Variants in GYPB observed in about 807,000 individuals in gnomAD.
GYPB encodes the protein glycophorin B (MNS blood group).
GYPB carries 13 observed loss-of-function variants against 15.3 expected under a neutral mutation model. That is an observed-to-expected ratio of 0.85 (90% CI 0.55 to 1.35). The LOEUF is 1.35. GYPB is among the 40% of genes most tolerant of loss of function. The pLI is 0.00. For synonymous variants in GYPB, 38 were observed against 36.9 expected (o/e 1.03, Z -0.11); for missense variants, 131 against 108.3 (o/e 1.21, Z -0.93).
In GYPB at chr4:144,017,489, C is replaced by T. The variant is rs193289931; in HGVS notation, c.37+1762G>A. Among the ~76,000 whole-genome samples, 196 of 151,228 alleles carry T rather than the reference C, an allele frequency of 1.3e-3. 12 individuals are homozygous for T. Among genetic ancestry groups the T allele is most frequent in the African/African-American group, 4.7e-3 (192 of 40,646 alleles). ...GAGTTTCCTTGGAGGGTTTCTGCTA[C>T]GAAGATGATAACAGCTTGGGTACTG... On this transcript the variant is annotated intron_variant, in intron 1 of 4. Coordinates refer to ENST00000502664, the MANE Select transcript of GYPB (RefSeq NM_002100.6).
At chr4:144,018,071 T>C (rs1728597634) in intron 1 of GYPB, among the ~76,000 whole-genome samples, 1 of 151,408 alleles carries the variant, frequency 6.6e-6, no homozygotes, top group Admixed American at 6.6e-5. Flanking sequence ...ATCATGATAG[T>C]TAATTCTAAT....
chr4:144,006,610 A>ACTG (rs1727926509), intron 1 of GYPB, among the ~76,000 whole-genome samples: 1 of 152,008 alleles, frequency 6.6e-6, no homozygotes. Flanking sequence ...GCTCTCATCA[A>ACTG]GATGTGATAA....
chr4:144,014,927 T>C (rs548387955), intron 1 of GYPB, among the ~76,000 whole-genome samples: 8 of 151,594 alleles, frequency 5.3e-5, no homozygotes, highest in African/African-American at 1.7e-4. Context: ...TATATAAATC[T>C]AGGGATGGAA....
chr4:144,008,693 T>C (rs978315120), intron 1 of GYPB, among the ~76,000 whole-genome samples: 1 of 151,550 alleles, frequency 6.6e-6, no homozygotes, highest in Non-Finnish European at 1.5e-5. Flanking sequence ...TTGGGCTGGA[T>C]GAAAATAATT....
intron 1 of GYPB, among the ~76,000 whole-genome samples, chr4:144,013,959 C>A (rs1184899511): frequency 1.3e-5 from 2 of 151,378 alleles, no homozygotes; most frequent in African/African-American, 4.9e-5. Flanking sequence ...CAACATTTCT[C>A]CAAAGATATG....
At chr4:144,010,792 A>G (rs1728177387) in intron 1 of GYPB, among the ~76,000 whole-genome samples, 1 of 151,410 alleles carries the variant, frequency 6.6e-6, no homozygotes, top group Admixed American at 6.6e-5. Context: ...AGAAAGTCTA[A>G]GACTTTCTAT....
chr4:144,002,159 A>G (rs976797116), intron 1 of GYPB, among the ~76,000 whole-genome samples: 1 of 151,268 alleles, frequency 6.6e-6, no homozygotes, highest in Non-Finnish European at 1.5e-5. Flanking sequence ...TAAATTGCAA[A>G]AGTAATATAG....
chr4:143,998,148 A>T (rs1466039577), intron 3 of GYPB, among the ~76,000 whole-genome samples: 3 of 151,410 alleles, frequency 2.0e-5, no homozygotes, highest in Non-Finnish European at 4.4e-5. Flanking sequence ...AACTAGTTAA[A>T]AGTAGAATTA....
Position 144,008,265 on chromosome 4 carries a change from G to A in GYPB, c.38-6982C>T, listed in dbSNP as rs1182652072. 7.4e-6 allele frequency: 3 copies of A among 406,320 alleles called. 1 individual carries two copies. Among genetic ancestry groups the A allele is most frequent in the African/African-American group, 6.3e-5 (3 of 47,696 alleles). 25.2% of individuals were successfully genotyped at this position (406,320 alleles called of 1,614,324 possible). A position where few individuals can be genotyped will look rare whatever the true frequency, so the allele number is the denominator to read the frequency against. On this transcript the variant is annotated intron_variant, in intron 1 of 4. Transcript: ENST00000502664. ...GTGATCTATGTAGCAGAAAGAGAAT[G>A]AGGGAATCAAGTAAGTTGTCATTGA...
chr4:144,000,433 T>G, intron 2 of GYPB: 1 of 1,174,960 alleles, frequency 8.5e-7, no homozygotes, highest in East Asian at 6.2e-5. Context: ...TTCTGAAACT[T>G]CATTAGCAGT....
rs760020012 is a variant in GYPB, at chr4:144,002,613, C to A, written c.38-1330G>T. The A allele has an allele frequency of 7.0e-6, 9 of 1,287,266 alleles. No individual in the cohort carries two copies. In the Middle Eastern group the frequency reaches 1.7e-3, roughly 244 times the overall value. The allele number at this position is 1,287,266 out of a possible 1,614,324, so 79.7% of individuals were successfully genotyped here. Reference sequence around the variant, plus strand: ...AGACATTCAAATGAGGGGAATGGCACCCAAGTGCAGTGGAGTGGAGGTGGA... The same window carrying A: ...AGACATTCAAATGAGGGGAATGGCAACCAAGTGCAGTGGAGTGGAGGTGGA... On this transcript the variant is annotated intron_variant, in intron 1 of 4. Coordinates refer to ENST00000502664, the MANE Select transcript of GYPB (RefSeq NM_002100.6).
At chr4:144,019,043 T>C (rs1360686368) in intron 1 of GYPB, among the ~76,000 whole-genome samples, 1 of 151,324 alleles carries the variant, frequency 6.6e-6, no homozygotes, top group Non-Finnish European at 1.5e-5. Flanking sequence ...ACTAGAAAAC[T>C]GGATTCGGCC....
intron 1 of GYPB, among the ~76,000 whole-genome samples, chr4:144,018,253 T>A (rs1728608524): frequency 6.6e-6 from 1 of 151,406 alleles, no homozygotes; most frequent in Non-Finnish European, 1.5e-5. Context: ...TTTGCCTTAA[T>A]GTTCCCCAGC....
At chr4:144,001,767 A>G (rs898019186) in intron 1 of GYPB, among the ~76,000 whole-genome samples, 3 of 151,112 alleles carry the variant, frequency 2.0e-5, no homozygotes, top group Non-Finnish European at 4.4e-5. Flanking sequence ...GAAAGGTGGA[A>G]GCTCATAATA....
At chr4:144,013,360 G>T (rs1472331540) in intron 1 of GYPB, among the ~76,000 whole-genome samples, 1 of 151,134 alleles carries the variant, frequency 6.6e-6, no homozygotes, top group Non-Finnish European at 1.5e-5. Flanking sequence ...AGTCAGTGTG[G>T]CGATTCCTTA....
downstream of GYPB, chr4:143,995,980 C>T: frequency 2.8e-6 from 1 of 361,664 alleles, no homozygotes; most frequent in Non-Finnish European, 4.8e-6. Flanking sequence ...TCTTCATTCC[C>T]CTTCTGCATG....
At chr4:144,007,507 A>C (rs1444983266) in intron 1 of GYPB, among the ~76,000 whole-genome samples, 1 of 151,214 alleles carries the variant, frequency 6.6e-6, no homozygotes, top group Non-Finnish European at 1.5e-5. Flanking sequence ...GCTCTGTACT[A>C]TCCAGCTTCT....
chr4:144,003,313 G>T (rs956668330), intron 1 of GYPB, among the ~76,000 whole-genome samples: 1 of 150,608 alleles, frequency 6.6e-6, no homozygotes, highest in Non-Finnish European at 1.5e-5. Context: ...AAAAACATGC[G>T]GGAGCTTTGC....
chr4:144,009,771 G>A lies in GYPB; in HGVS notation c.38-8488C>T, dbSNP rs1425488895. ...TGGGACTACAGGCACCCGCCACCAA[G>A]CCCGGCTAATTTTTTGTATTTTTAG... On this transcript the variant is annotated intron_variant, in intron 1 of 4. Coordinates refer to ENST00000502664, the MANE Select transcript of GYPB (RefSeq NM_002100.6). Among the ~76,000 whole-genome samples, 3 of 149,550 alleles carry A rather than the reference G, an allele frequency of 2.0e-5. 1 individual carries two copies. Among genetic ancestry groups the A allele is most frequent in the Non-Finnish European group, 4.4e-5 (3 of 67,778 alleles).
Sources: allele counts gnomAD v4.1 joint callset (sites outside exome capture counted in the v4.1 genomes callset), GRCh38; gene constraint gnomAD v4.1.1; transcripts MANE v1.5; gene names NCBI Gene and HGNC (gene_info 2026-07-23, HGNC 2026-07-21).